RIPOR2: variants seen among roughly 807,000 people sequenced by gnomAD.
The protein encoded by RIPOR2 is RHO family interacting cell polarization regulator 2, also known as rho family-interacting cell polarization regulator 2.
Under a neutral mutation model 114.5 loss-of-function variants are expected in RIPOR2, and 39 were observed. The observed-to-expected ratio is 0.34, with a 90% CI of 0.26 to 0.44. The LOEUF (loss-of-function observed/expected upper bound fraction) is 0.44. Among genes scored for constraint, RIPOR2 ranks in the 20% least tolerant of loss-of-function variants. RIPOR2 has a pLI of 1.00. For synonymous variants in RIPOR2, 445 were observed against 484.4 expected (o/e 0.92, Z 1.07); for missense variants, 1,007 against 1,255.1 (o/e 0.80, Z 2.99).
chr6:24,942,524 C>T (rs540472510), intron 1 of RIPOR2, among the ~76,000 whole-genome samples: 26 of 152,278 alleles, frequency 1.7e-4, no homozygotes, highest in African/African-American at 5.1e-4. Context: ...TTTATAGTCC[C>T]ACCAACAGTG....
In RIPOR2 at chr6:24,914,002, A is replaced by G. The variant is rs1769875200; in HGVS notation, c.61+21836T>C. The stretch of plus-strand genomic sequence containing the variant: ...AAGAAGAAATCGTTTAATACAAGTC[A>G]GGGTATTTTCCCCCCTCACATATAA... On this transcript the variant is annotated intron_variant, in intron 1 of 21. Coordinates refer to ENST00000643898, the MANE Select transcript of RIPOR2 (RefSeq NM_001286445.3). 2.6e-5 allele frequency among the ~76,000 whole-genome samples: 4 copies of G among 152,148 alleles called. No individual in the cohort carries two copies. The South Asian group carries it at 8.3e-4, about 32-fold the overall frequency.
At chr6:24,889,082 T>C (rs1767090493) in intron 1 of RIPOR2, among the ~76,000 whole-genome samples, 1 of 152,200 alleles carries the variant, frequency 6.6e-6, no homozygotes, top group African/African-American at 2.4e-5. Context: ...CATCTTATTA[T>C]AGACTGGAAA....
At chr6:24,842,820 C>T in intron 13 of RIPOR2, 42 bp downstream of exon 13, 1 of 1,234,210 alleles carries the variant, frequency 8.1e-7, no homozygotes, top group Non-Finnish European at 1.1e-6. Context: ...CTTAGGACAC[C>T]TCTCTCCAAA....
At chr6:24,897,351 CA>C (rs1247875330) in intron 1 of RIPOR2, among the ~76,000 whole-genome samples, 1 of 152,174 alleles carries the variant, frequency 6.6e-6, no homozygotes, top group Non-Finnish European at 1.5e-5. Context: ...GCCCCAGGAG[CA>C]GATGCCCTCC....
rs927320596 is a variant in RIPOR2, at chr6:25,037,772, C to T, written c.76+4079G>A. Reference sequence around the variant, plus strand: ...ATGAACTTTGGGATCCATTGCTTTACTATGAGTTTAATTTTGATGGAACCC... The same window carrying T: ...ATGAACTTTGGGATCCATTGCTTTATTATGAGTTTAATTTTGATGGAACCC... On this transcript the variant is annotated intron_variant, in intron 1 of 13. Transcript: ENST00000510784. The surrounding 1 kb of genome is among the most constrained non-coding windows in gnomAD (Gnocchi z 4.5). 6.6e-6 allele frequency among the ~76,000 whole-genome samples: 1 copy of T among 151,818 alleles called. No individual in the cohort carries two copies. The highest frequency in any genetic ancestry group is 1.5e-5 in the Non-Finnish European group (1 of 67,798).
chr6:24,988,832 T>C (rs7760537), intron 1 of RIPOR2, among the ~76,000 whole-genome samples: 8,698 of 152,298 alleles, frequency 0.057, 808 homozygotes, highest in African/African-American at 0.19. Context: ...TTCATTTACA[T>C]ATTATCTATG....
At chr6:24,987,066 A>T (rs192876507) in intron 1 of RIPOR2, among the ~76,000 whole-genome samples, 228 of 152,368 alleles carry the variant, frequency 1.5e-3, no homozygotes, top group African/African-American at 5.3e-3. Context: ...AAGTAGAATC[A>T]ACAGGTCAAA....
intron 1 of RIPOR2, among the ~76,000 whole-genome samples, chr6:24,879,403 G>A (rs866805650): frequency 5.9e-5 from 9 of 152,220 alleles, no homozygotes; most frequent in South Asian, 2.1e-4. Flanking sequence ...TGGCCACTAG[G>A]AATGTGACTA....
At chr6:24,854,002 C>G (rs1044448051) in intron 8 of RIPOR2, among the ~76,000 whole-genome samples, 1 of 151,814 alleles carries the variant, frequency 6.6e-6, no homozygotes, top group Non-Finnish European at 1.5e-5. Flanking sequence ...TGCCTGTAGT[C>G]CCAGCTGCTC....
In RIPOR2 at chr6:25,002,005, G is replaced by A. The variant is rs138493572; in HGVS notation, c.76+39846C>T. On this transcript the variant is annotated intron_variant, in intron 1 of 13. Coordinates refer to the RIPOR2 transcript ENST00000510784. ...TTACAGGTGTGAGCCACTGCGCCCA[G>A]CCTGTGGGCCTTACTTTCTCTGATG... Among the ~76,000 whole-genome samples the A allele has an allele frequency of 4.7e-4, 71 of 151,928 alleles. No homozygotes were observed. The East Asian group carries it at 0.014, about 29-fold the overall frequency.
intron 1 of RIPOR2, among the ~76,000 whole-genome samples, chr6:25,017,194 G>A (rs1478045284): frequency 6.6e-6 from 1 of 152,076 alleles, no homozygotes; most frequent in Non-Finnish European, 1.5e-5. Context: ...ACAAAAATTA[G>A]CCAGGTAATC....
chr6:25,033,256 A>G (rs1427114874), intron 1 of RIPOR2, among the ~76,000 whole-genome samples: 1 of 152,260 alleles, frequency 6.6e-6, no homozygotes, highest in Non-Finnish European at 1.5e-5. Flanking sequence ...TTAACATTTA[A>G]AAAATGGATA....
intron 1 of RIPOR2, among the ~76,000 whole-genome samples, chr6:24,910,390 T>A (rs1021383816): frequency 2.0e-5 from 3 of 152,082 alleles, no homozygotes; most frequent in Non-Finnish European, 4.4e-5. Flanking sequence ...GGATTCCCCA[T>A]AGGCTCTGCG....
intron 1 of RIPOR2, among the ~76,000 whole-genome samples, chr6:25,022,642 G>C (rs1242903406): frequency 2.9e-5 from 4 of 135,822 alleles, no homozygotes; most frequent in African/African-American, 1.1e-4. Context: ...AAACTCCTGG[G>C]CTCAAACTAT....
In RIPOR2 at chr6:24,843,299, C is replaced by T. The variant is rs35514577; in HGVS notation, c.1420G>A (p.Glu474Lys). Reference sequence around the variant, plus strand: ...TCCTCCTTCAGGTGTGACTTTGGCTCTTGGCCTTCTCCCAGGGAGTTCCTG... The same window carrying T: ...TCCTCCTTCAGGTGTGACTTTGGCTTTTGGCCTTCTCCCAGGGAGTTCCTG... ...SSRNSLGEGQ[E>K]PKSHLKEEDP... The change falls in exon 13 of 22, where the codon GAG (glutamate) becomes AAG (lysine). Residue 474 changes from glutamate (E) to lysine (K), a missense_variant. Coordinates refer to ENST00000643898, the MANE Select transcript of RIPOR2 (RefSeq NM_001286445.3). The T allele has an allele frequency of 4.1e-3, 6,612 of 1,614,014 alleles. 207 individuals are homozygous for T. In the African/African-American group the frequency reaches 0.067, roughly 16 times the overall value.
At chr6:24,809,130 G>A (rs1361939303) in intron 21 of RIPOR2, among the ~76,000 whole-genome samples, 3 of 151,610 alleles carry the variant, frequency 2.0e-5, no homozygotes, top group Non-Finnish European at 2.9e-5. Flanking sequence ...AAGAATAAAT[G>A]TATAATGCCT....
intron 4 of RIPOR2, 72 bp downstream of exon 4, chr6:24,872,809 C>G (rs1252042309): frequency 2.0e-6 from 2 of 998,274 alleles, no homozygotes; most frequent in Non-Finnish European, 3.2e-6. Flanking sequence ...TCCTCCCCAG[C>G]CCCATCCAGT....
chr6:24,875,801 G>A lies in RIPOR2; in HGVS notation c.78C>T (p.Leu26=), dbSNP rs770286099. ...DVFGEGLPTR[L]PEIMLVGSQS... ...GGGATCCTACCAACATGATTTCCGG[G>A]AGTCTGGTCGGTAGTCCTAGAAGAC... Residue 26 remains leucine (L), a synonymous_variant, in exon 2 of 22, where the codon CTC becomes CTT. Coordinates refer to ENST00000643898, the MANE Select transcript of RIPOR2 (RefSeq NM_001286445.3). 2.2e-5 allele frequency: 36 copies of A among 1,611,038 alleles called. 1 individual carries two copies. In the Admixed American group the frequency reaches 5.5e-4, roughly 25 times the overall value.
intron 1 of RIPOR2, among the ~76,000 whole-genome samples, chr6:24,897,914 C>A (rs1349409303): frequency 6.6e-6 from 1 of 152,056 alleles, no homozygotes; most frequent in African/African-American, 2.4e-5. Context: ...CACGCACCAC[C>A]ATGCCTGGCT....
Sources: gnomAD v4.1 joint callset for allele counts (sites outside exome capture counted in the v4.1 genomes callset) on GRCh38, gnomAD v4.1.1 for gene constraint, Gnocchi (gnomAD v3.1) non-coding constraint, MANE v1.5 for transcripts, NCBI Gene and HGNC (gene_info 2026-07-23, HGNC 2026-07-21) for gene names.